BMAL1: variants seen among roughly 807,000 people sequenced by gnomAD.
BMAL1 encodes the protein basic helix-loop-helix ARNT-like protein 1.
chr11:13,378,269 A>C, the BMAL1 span: 1 of 1,482,552 alleles, frequency 6.7e-7, no homozygotes, highest in African/African-American at 1.4e-5. Context: ...AACTGGTTTT[A>C]CTTTAATACA....
At chr11:13,278,723 G>T in the BMAL1 span, among the ~76,000 whole-genome samples, 1 of 152,356 alleles carries the variant, frequency 6.6e-6, no homozygotes, top group Non-Finnish European at 1.5e-5. Flanking sequence ...GTCGCCCGGA[G>T]CCCGGGTGCG....
At chr11:13,294,345 C>T in the BMAL1 span, among the ~76,000 whole-genome samples, 1 of 152,132 alleles carries the variant, frequency 6.6e-6, no homozygotes, top group African/African-American at 2.4e-5. Context: ...GTGGTTCTCA[C>T]CTCATGGAAT....
At chr11:13,370,392 A>G in the BMAL1 span, among the ~76,000 whole-genome samples, 4 of 152,174 alleles carry the variant, frequency 2.6e-5, no homozygotes, top group Non-Finnish European at 1.5e-5. Context: ...ATTCATAAAT[A>G]TACTGCTTAC....
the BMAL1 span, chr11:13,385,852 C>A: frequency 3.1e-6 from 4 of 1,289,132 alleles, no homozygotes; most frequent in South Asian, 3.6e-5. Context: ...TACATAAAGT[C>A]AATTTTAAGA....
At chr11:13,334,474 AG>A in the BMAL1 span, among the ~76,000 whole-genome samples, 3 of 151,438 alleles carry the variant, frequency 2.0e-5, no homozygotes, top group East Asian at 5.8e-4. Flanking sequence ...CAGGCCCCAC[AG>A]GGTTCATAAA....
chr11:13,300,185 A>G, the BMAL1 span, among the ~76,000 whole-genome samples: 1 of 152,156 alleles, frequency 6.6e-6, no homozygotes, highest in Non-Finnish European at 1.5e-5. Context: ...TGGCCGTATA[A>G]TATTCTATCA....
the BMAL1 span, chr11:13,356,631 TTTATGA>T: frequency 1.5e-6 from 2 of 1,358,064 alleles, no homozygotes; most frequent in Admixed American, 4.1e-5. Context: ...CTGTTCGAAC[TTTATGA>T]TTGTTTGGTT....
chr11:13,386,915 T>C, the BMAL1 span: 1 of 785,616 alleles, frequency 1.3e-6, no homozygotes, highest in Non-Finnish European at 1.9e-6. Flanking sequence ...TCTTACTATA[T>C]GTAACTTCAG....
chr11:13,351,596 C>T, the BMAL1 span, among the ~76,000 whole-genome samples: 1,584 of 152,176 alleles, frequency 0.01, 33 homozygotes, highest in African/African-American at 0.036. Context: ...AGAAGAGGGC[C>T]CAGGACATCC....
the BMAL1 span, chr11:13,365,610 GT>G: frequency 1.7e-4 from 273 of 1,604,632 alleles, no homozygotes; most frequent in Non-Finnish European, 2.2e-4. Flanking sequence ...TCATGCTCCT[GT>G]TGATGGTGGG....
chr11:13,318,322 G>A, the BMAL1 span, among the ~76,000 whole-genome samples: 1 of 151,966 alleles, frequency 6.6e-6, no homozygotes, highest in Non-Finnish European at 1.5e-5. Flanking sequence ...TAGTATTTTA[G>A]GCTCTTTTGG....
At chr11:13,385,383 G>GT in the BMAL1 span, among the ~76,000 whole-genome samples, 2 of 152,154 alleles carry the variant, frequency 1.3e-5, no homozygotes, top group Admixed American at 1.3e-4. Flanking sequence ...GCTCATTGAA[G>GT]TTTAGGCATT....
At chr11:13,373,574 T>C in the BMAL1 span, among the ~76,000 whole-genome samples, 1 of 152,216 alleles carries the variant, frequency 6.6e-6, no homozygotes, top group Non-Finnish European at 1.5e-5. Flanking sequence ...TGGCGAGATC[T>C]TGGCTTACTG....
chr11:13,306,069 G>C, the BMAL1 span, among the ~76,000 whole-genome samples: 1 of 152,104 alleles, frequency 6.6e-6, no homozygotes, highest in East Asian at 1.9e-4. Context: ...AGCATAGAAT[G>C]CCCAGGGGTT....
the BMAL1 span, among the ~76,000 whole-genome samples, chr11:13,317,461 T>C: frequency 1.3e-5 from 2 of 152,088 alleles, no homozygotes; most frequent in African/African-American, 2.4e-5. Context: ...GGGTGCCAAA[T>C]GCCTGGACAG....
chr11:13,297,944 G>T, the BMAL1 span, among the ~76,000 whole-genome samples: 1 of 152,184 alleles, frequency 6.6e-6, no homozygotes, highest in South Asian at 2.1e-4. Context: ...TTTACACAGC[G>T]ATCCTGTGAC....
chr11:13,289,030 G>A, the BMAL1 span, among the ~76,000 whole-genome samples: 2 of 152,190 alleles, frequency 1.3e-5, no homozygotes, highest in Admixed American at 1.3e-4. Context: ...GGCTGCTTCT[G>A]CTGCTTAGTC....
chr11:13,289,559 A>G, the BMAL1 span, among the ~76,000 whole-genome samples: 140,630 of 152,104 alleles, frequency 0.92, 65,462 homozygotes, highest in East Asian at 1. Flanking sequence ...CAGGCCCCGG[A>G]GTGTGATGTT....
At chr11:13,326,368 G>A in the BMAL1 span, 1 of 152,168 alleles carries the variant, frequency 6.6e-6, no homozygotes, top group Non-Finnish European at 1.5e-5. Context: ...TGTACCATCT[G>A]TATAGCTGGA....
Sources: gnomAD v4.1 joint callset for allele counts (sites outside exome capture counted in the v4.1 genomes callset) on GRCh38, gnomAD v4.1.1 for gene constraint, MANE v1.5 for transcripts, NCBI Gene and HGNC (gene_info 2026-07-23, HGNC 2026-07-21) for gene names.